TASP1: variants seen among roughly 807,000 people sequenced by gnomAD.
TASP1 encodes the protein taspase 1, also known as threonine aspartase 1.
Under a neutral mutation model 56.6 loss-of-function variants are expected in TASP1, and 16 were observed. That is an observed-to-expected ratio of 0.28 (90% CI 0.19 to 0.43). The LOEUF (loss-of-function observed/expected upper bound fraction) is 0.43. Among genes scored for constraint, TASP1 ranks in the 20% least tolerant of loss-of-function variants. The pLI is 1.00. For synonymous variants in TASP1, 179 were observed against 184.2 expected (o/e 0.97, Z 0.23); for missense variants, 393 against 511.6 (o/e 0.77, Z 2.24).
Position 13,575,570 on chromosome 20 carries a change from C to A in TASP1, c.488+5327G>T, listed in dbSNP as rs536635385. ...GTGAGGCTTCGCCAGCCATGTCGAACTGTGAGTCCATTAAACCTCTTTTTT... is the reference window on the plus strand; with the variant it reads ...GTGAGGCTTCGCCAGCCATGTCGAAATGTGAGTCCATTAAACCTCTTTTTT... On this transcript the variant is annotated intron_variant, in intron 6 of 13. Transcript: ENST00000337743. 8.5e-5 allele frequency among the ~76,000 whole-genome samples: 13 copies of A among 152,308 alleles called. No individual in the cohort carries two copies. The South Asian group carries it at 2.7e-3, about 32-fold the overall frequency.
intron 7 of TASP1, among the ~76,000 whole-genome samples, chr20:13,566,424 C>T (rs1028123186): frequency 5.9e-5 from 9 of 151,472 alleles, no homozygotes; most frequent in African/African-American, 2.2e-4. Flanking sequence ...TTGGAAACAA[C>T]CCAGACATAA....
At chr20:13,623,825 C>A (rs2048796838) in intron 3 of TASP1, among the ~76,000 whole-genome samples, 1 of 152,050 alleles carries the variant, frequency 6.6e-6, no homozygotes, top group Admixed American at 6.6e-5. Flanking sequence ...ATTGTATGAC[C>A]CAGTTTGGTT....
chr20:13,478,568 A>G (rs1384005139), intron 11 of TASP1, among the ~76,000 whole-genome samples: 1 of 152,166 alleles, frequency 6.6e-6, no homozygotes, highest in Admixed American at 6.6e-5. Context: ...TGGAGACTCA[A>G]AAGGGTGGGA....
chr20:13,162,486 T>C, the TASP1 span, among the ~76,000 whole-genome samples: 2 of 152,296 alleles, frequency 1.3e-5, no homozygotes, highest in Admixed American at 1.3e-4. Flanking sequence ...AGTTCCTTAA[T>C]GTACATGTAA....
chr20:13,167,419 GT>G, the TASP1 span: 2 of 151,614 alleles, frequency 1.3e-5, no homozygotes, highest in South Asian at 4.2e-4. Context: ...TTTCTATAAT[GT>G]TATGCGCACT....
At chr20:13,548,863 G>A (rs887499360) in intron 8 of TASP1, among the ~76,000 whole-genome samples, 7 of 152,084 alleles carry the variant, frequency 4.6e-5, no homozygotes, top group African/African-American at 1.7e-4. Flanking sequence ...ACCCATTCCT[G>A]CAGATTATGA....
chr20:13,454,662 C>T (rs2043760935), intron 11 of TASP1, among the ~76,000 whole-genome samples: 1 of 152,106 alleles, frequency 6.6e-6, no homozygotes. Context: ...TTTATATGTC[C>T]CCTTGTCATT....
chr20:13,117,705 G>A, the TASP1 span: 1 of 1,612,258 alleles, frequency 6.2e-7, no homozygotes, highest in Non-Finnish European at 8.5e-7. Context: ...AGCTTCAGGA[G>A]GTTACATAGC....
At chr20:13,360,607 C>T in the TASP1 span, among the ~76,000 whole-genome samples, 11 of 152,288 alleles carry the variant, frequency 7.2e-5, no homozygotes, top group South Asian at 6.2e-4. Context: ...CAGCAGCTGC[C>T]GCTGCTTTAA....
chr20:13,626,090 C>T (rs1180309796), intron 2 of TASP1, among the ~76,000 whole-genome samples: 1 of 152,168 alleles, frequency 6.6e-6, no homozygotes, highest in East Asian at 1.9e-4. Flanking sequence ...CCCTACCCAC[C>T]CCTAAAGCCC....
intron 7 of TASP1, among the ~76,000 whole-genome samples, chr20:13,563,142 AAG>A (rs1246644621): frequency 6.6e-6 from 1 of 151,386 alleles, no homozygotes; most frequent in East Asian, 2.0e-4. Context: ...ACATATAAAT[AAG>A]AGAGTTCTAT....
At position 13,426,893 on chromosome 20, in the gene TASP1, C is replaced by T. The variant is rs532138994; in HGVS notation, c.1096+8151G>A. On this transcript the variant is annotated intron_variant, in intron 12 of 13. Coordinates refer to ENST00000337743, the MANE Select transcript of TASP1 (RefSeq NM_017714.3). ...GGCAACTAAAGAAATGAGCTTCCAACCATGACAATGGACTGTCACGTAGAA... is the reference window on the plus strand; with the variant it reads ...GGCAACTAAAGAAATGAGCTTCCAATCATGACAATGGACTGTCACGTAGAA... Among the ~76,000 whole-genome samples the T allele has an allele frequency of 3.3e-5, 5 of 152,292 alleles. No individual in the cohort carries two copies. The South Asian group carries it at 1.0e-3, about 32-fold the overall frequency.
the TASP1 span, among the ~76,000 whole-genome samples, chr20:13,233,530 G>A: frequency 2.4e-4 from 36 of 151,358 alleles, no homozygotes; most frequent in African/African-American, 8.5e-4. Context: ...GGGAGCTAGA[G>A]GTTGCAATGA....
the TASP1 span, among the ~76,000 whole-genome samples, chr20:13,314,503 C>A: frequency 6.6e-6 from 1 of 151,510 alleles, no homozygotes; most frequent in African/African-American, 2.4e-5. Context: ...AGAAAAAAAA[C>A]CACCTAGATC....
chr20:13,451,190 C>T (rs1469395904), intron 11 of TASP1, among the ~76,000 whole-genome samples: 1 of 152,042 alleles, frequency 6.6e-6, no homozygotes, highest in Non-Finnish European at 1.5e-5. Context: ...TTTGTTGTCC[C>T]ATTTATAAGG....
the TASP1 span, among the ~76,000 whole-genome samples, chr20:13,295,111 T>C: frequency 5.3e-5 from 8 of 152,276 alleles, no homozygotes; most frequent in East Asian, 1.4e-3. Context: ...CCCAGGCTCC[T>C]GGGTCAGAGC....
At chr20:13,216,841 A>G in the TASP1 span, among the ~76,000 whole-genome samples, 1 of 152,358 alleles carries the variant, frequency 6.6e-6, no homozygotes, top group Middle Eastern at 3.4e-3. Flanking sequence ...GCCAGCAGAC[A>G]GGGGTAAAAA....
At chr20:13,540,532 T>C (rs2045582529) in intron 8 of TASP1, among the ~76,000 whole-genome samples, 1 of 152,166 alleles carries the variant, frequency 6.6e-6, no homozygotes, top group Non-Finnish European at 1.5e-5. Flanking sequence ...ATCATGATAT[T>C]GTCAATACTG....
At chr20:13,346,465 C>T in the TASP1 span, among the ~76,000 whole-genome samples, 1 of 152,188 alleles carries the variant, frequency 6.6e-6, no homozygotes, top group African/African-American at 2.4e-5. Context: ...CCATAATCTT[C>T]CCCAGTTGAG....
Sources: allele counts gnomAD v4.1 joint callset (sites outside exome capture counted in the v4.1 genomes callset), GRCh38; gene constraint gnomAD v4.1.1; transcripts MANE v1.5; gene names NCBI Gene and HGNC (gene_info 2026-07-23, HGNC 2026-07-21).